The following HDAC9 variants were observed in gnomAD, a reference collection of about 807,000 sequenced individuals.
The protein encoded by HDAC9 is MEF-2 interacting transcription repressor (MITR) protein.
In HDAC9, 41 loss-of-function variants were observed where a neutral mutation model predicts 139.4. That is an observed-to-expected ratio of 0.29 (90% confidence interval 0.23 to 0.38). HDAC9 has a LOEUF of 0.38. HDAC9 is among the 10% of genes least tolerant of loss of function. The pLI, the probability that HDAC9 is intolerant of heterozygous loss-of-function variation, is 1.00. For missense variants in HDAC9, 1,147 were observed against 1,297.0 expected (o/e 0.88, Z 1.78); for synonymous variants, 517 against 476.2 (o/e 1.09, Z -1.12).
intron 2 of HDAC9, among the ~76,000 whole-genome samples, chr7:18,532,840 A>C (rs886443196): frequency 1.3e-5 from 2 of 151,580 alleles, no homozygotes; most frequent in African/African-American, 4.9e-5. Context: ...TTTAACTTTA[A>C]TATTTCTAAA....
chr7:18,137,633 C>T (rs1785528091), intron 1 of HDAC9, among the ~76,000 whole-genome samples: 1 of 150,154 alleles, frequency 6.7e-6, no homozygotes, highest in Admixed American at 6.6e-5. Context: ...ATTGAACCAG[C>T]CTTGCATCCC....
chr7:18,182,516 G>C (rs1362881261), intron 2 of HDAC9, among the ~76,000 whole-genome samples: 1 of 152,232 alleles, frequency 6.6e-6, no homozygotes, highest in Non-Finnish European at 1.5e-5. Flanking sequence ...GTGGGAGTGA[G>C]ACATATTGAT....
rs1240516280 is a variant in HDAC9 at position 18,236,393 on chromosome 7, G to C, written c.25+74044G>C. Among the ~76,000 whole-genome samples, 4 of 152,200 alleles carry C rather than the reference G, an allele frequency of 2.6e-5. No individual in the cohort carries two copies. The East Asian group carries it at 7.7e-4, about 29-fold the overall frequency. ...TTTGTGGGATCTTAAAGAAGAGAAG[G>C]CATGAGTGTCTTATTCCAAGTTGAC... On this transcript the variant is annotated intron_variant, in intron 2 of 12. Coordinates refer to the HDAC9 transcript ENST00000417496.
chr7:18,944,857 C>T (rs938283768), intron 23 of HDAC9, among the ~76,000 whole-genome samples: 1 of 152,166 alleles, frequency 6.6e-6, no homozygotes, highest in Non-Finnish European at 1.5e-5. Flanking sequence ...TTGCAGCTAG[C>T]TATATTTGAT....
At chr7:18,174,754 C>T (rs529411326) in intron 2 of HDAC9, among the ~76,000 whole-genome samples, 8 of 152,264 alleles carry the variant, frequency 5.3e-5, no homozygotes, top group South Asian at 2.1e-4. Flanking sequence ...CCTCTCCAGA[C>T]GCCGTTTGCC....
At chr7:18,734,600 T>C (rs1584941415) in intron 13 of HDAC9, among the ~76,000 whole-genome samples, 1 of 152,218 alleles carries the variant, frequency 6.6e-6, no homozygotes, top group Non-Finnish European at 1.5e-5. Context: ...TATTCCATGG[T>C]GTATATGCGC....
At position 18,934,792 on chromosome 7, in the gene HDAC9, C is replaced by T. The variant is rs185574059; in HGVS notation, c.2804-1017C>T. Reference sequence around the variant, plus strand: ...GGCATTATTTAGCAGATTTTTAAGACTCAACAATTCTGTTTCACATGTGCA... The same window carrying T: ...GGCATTATTTAGCAGATTTTTAAGATTCAACAATTCTGTTTCACATGTGCA... On this transcript the variant is annotated intron_variant, in intron 22 of 25. Coordinates refer to ENST00000686413, the MANE Select transcript of HDAC9 (RefSeq NM_178425.4). Among the ~76,000 whole-genome samples, 886 of 152,220 alleles carry T rather than the reference C, an allele frequency of 5.8e-3. 10 individuals carry two copies. Among genetic ancestry groups the T allele is most frequent in the African/African-American group, 0.02 (848 of 41,542 alleles).
At chr7:18,471,038 T>C (rs1563020955) in intron 1 of HDAC9, among the ~76,000 whole-genome samples, 1 of 152,112 alleles carries the variant, frequency 6.6e-6, no homozygotes. Context: ...ACTATATTTA[T>C]GGAGTACACC....
intron 17 of HDAC9, among the ~76,000 whole-genome samples, chr7:18,798,186 A>G (rs1050127502): frequency 6.6e-6 from 1 of 152,168 alleles, no homozygotes; most frequent in Non-Finnish European, 1.5e-5. Flanking sequence ...CTACTTTCAC[A>G]GTAAATTTCA....
intron 1 of HDAC9, among the ~76,000 whole-genome samples, chr7:18,353,347 A>G (rs1167056206): frequency 1.3e-5 from 2 of 152,130 alleles, no homozygotes; most frequent in African/African-American, 4.8e-5. Context: ...AAGATCTCAT[A>G]ACTCCATGTG....
At position 18,802,845 on chromosome 7, in the gene HDAC9, T is replaced by G. The variant is rs140433661; in HGVS notation, c.2322+9393T>G. ...TTTCTAGTATTTTCCTGGCTTATCA[T>G]TTACCATTCCTTTACTTTCAGACTT... On this transcript the variant is annotated intron_variant, in intron 17 of 25. Coordinates refer to ENST00000686413, the MANE Select transcript of HDAC9 (RefSeq NM_178425.4). Among the ~76,000 whole-genome samples, 490 of 151,926 alleles carry G rather than the reference T, an allele frequency of 3.2e-3. 3 individuals carry two copies. Among genetic ancestry groups the G allele is most frequent in the African/African-American group, 0.011 (461 of 41,564 alleles).
intron 2 of HDAC9, among the ~76,000 whole-genome samples, chr7:18,199,782 C>T (rs1790985595): frequency 7.3e-6 from 1 of 137,224 alleles, no homozygotes; most frequent in Non-Finnish European, 1.5e-5. Flanking sequence ...AAAAAAAAGG[C>T]TGTGCTTAGT....
chr7:18,744,823 T>G (rs555232129), intron 13 of HDAC9, among the ~76,000 whole-genome samples: 79 of 152,092 alleles, frequency 5.2e-4, no homozygotes, highest in Non-Finnish European at 9.7e-4. Context: ...TCTAAAAAAT[T>G]TATCAAGAAA....
At chr7:18,845,226 T>C (rs1418546461) in intron 21 of HDAC9, among the ~76,000 whole-genome samples, 1 of 152,178 alleles carries the variant, frequency 6.6e-6, no homozygotes, top group African/African-American at 2.4e-5. Context: ...GTTAATTTAC[T>C]AGTCTCAATT....
Position 18,461,087 on chromosome 7 carries a change from T to G in HDAC9, c.-41-35175T>G, listed in dbSNP as rs187403627. Among the ~76,000 whole-genome samples, 146 of 152,240 alleles carry G rather than the reference T, an allele frequency of 9.6e-4. 1 individual carries two copies. In the South Asian group the frequency reaches 0.01, roughly 11 times the overall value. ...ATAACAAAGTTAGGCAAAAGAAGCCTACAACAAATCTTGCGTATGTGTACG... is the reference window on the plus strand; with the variant it reads ...ATAACAAAGTTAGGCAAAAGAAGCCGACAACAAATCTTGCGTATGTGTACG... On this transcript the variant is annotated intron_variant, in intron 1 of 3. Coordinates refer to the HDAC9 transcript ENST00000413509.
chr7:18,358,533 C>T (rs1362078204), intron 1 of HDAC9, among the ~76,000 whole-genome samples: 2 of 152,056 alleles, frequency 1.3e-5, no homozygotes, highest in Non-Finnish European at 2.9e-5. Flanking sequence ...TAAGCAACTT[C>T]GAATGAGTGT....
intron 19 of HDAC9, among the ~76,000 whole-genome samples, chr7:18,830,731 A>G (rs1411598464): frequency 6.6e-6 from 1 of 152,168 alleles, no homozygotes. Context: ...CACTTTGGAG[A>G]GAAGAGTATT....
intron 2 of HDAC9, among the ~76,000 whole-genome samples, chr7:18,172,126 G>T (rs1788500359): frequency 6.6e-6 from 1 of 152,184 alleles, no homozygotes; most frequent in Non-Finnish European, 1.5e-5. Flanking sequence ...TTCAGAGCCT[G>T]TTATTGGTCT....
intron 1 of HDAC9, among the ~76,000 whole-genome samples, chr7:18,480,663 C>G (rs1396908409): frequency 6.6e-6 from 1 of 152,154 alleles, no homozygotes; most frequent in Non-Finnish European, 1.5e-5. Context: ...GATATTTAGT[C>G]TGTTCTGCTG....
Sources: gnomAD v4.1 joint callset for allele counts (sites outside exome capture counted in the v4.1 genomes callset) on GRCh38, gnomAD v4.1.1 for gene constraint, MANE v1.5 for transcripts, NCBI Gene and HGNC (gene_info 2026-07-23, HGNC 2026-07-21) for gene names.